Variants in GLIS1 observed in about 807,000 individuals in gnomAD.
The protein encoded by GLIS1 is zinc finger protein GLIS1.
Under a neutral mutation model 63.8 loss-of-function variants are expected in GLIS1, and 24 were observed. The ratio of observed to expected loss-of-function variants is 0.38; its 90% confidence interval spans 0.27 to 0.53. GLIS1 has a LOEUF of 0.53. GLIS1 is among the 20% of genes least tolerant of loss of function. The pLI, the probability that GLIS1 is intolerant of heterozygous loss-of-function variation, is 0.85. For missense variants in GLIS1, 1,036 were observed against 1,074.1 expected (o/e 0.96, Z 0.50); for synonymous variants, 450 against 482.5 (o/e 0.93, Z 0.88).
chr1:53,593,833 G>A (rs1645217505), intron 4 of GLIS1, among the ~76,000 whole-genome samples: 1 of 152,232 alleles, frequency 6.6e-6, no homozygotes, highest in South Asian at 2.1e-4. Context: ...CACAGCCCCG[G>A]GCCCTGTGGC....
At chr1:53,674,094 C>T (rs1350644554) in intron 2 of GLIS1, among the ~76,000 whole-genome samples, 1 of 150,238 alleles carries the variant, frequency 6.7e-6, no homozygotes. Flanking sequence ...ATCGCTTGAA[C>T]CTGGGAGGCA....
intron 2 of GLIS1, among the ~76,000 whole-genome samples, chr1:53,714,227 C>G (rs1646674932): frequency 6.6e-6 from 1 of 152,158 alleles, no homozygotes; most frequent in African/African-American, 2.4e-5. Flanking sequence ...TGAGTCTCAG[C>G]TCCTTCAGCT....
chr1:53,537,476 GCAAA>G (rs1198694957), intron 4 of GLIS1, among the ~76,000 whole-genome samples: 2 of 152,228 alleles, frequency 1.3e-5, no homozygotes, highest in African/African-American at 2.4e-5. Context: ...ATCAAGTCAC[GCAAA>G]CAGAGGTTTG....
intron 2 of GLIS1, among the ~76,000 whole-genome samples, chr1:53,716,383 T>C (rs958426001): frequency 1.2e-4 from 18 of 151,874 alleles, no homozygotes; most frequent in Non-Finnish European, 2.4e-4. Context: ...GGGTGACCAG[T>C]TGGGGAAAGG....
At chr1:53,585,923 GC>G (rs1169292856) in intron 4 of GLIS1, among the ~76,000 whole-genome samples, 2 of 152,226 alleles carry the variant, frequency 1.3e-5, no homozygotes, top group African/African-American at 4.8e-5. Flanking sequence ...TTTTACAGAT[GC>G]AAAAACAGAC....
intron 2 of GLIS1, among the ~76,000 whole-genome samples, chr1:53,626,105 G>A (rs1645591474): frequency 6.6e-6 from 1 of 152,192 alleles, no homozygotes; most frequent in Non-Finnish European, 1.5e-5. Flanking sequence ...GCCGCTCTTA[G>A]GAATGGCAAA....
rs544111885 is a variant in GLIS1 at position 53,678,748 on chromosome 1, G to A, written c.259+59058C>T. On this transcript the variant is annotated intron_variant, in intron 2 of 10. Coordinates refer to ENST00000628545, the MANE Select transcript of GLIS1 (RefSeq NM_001367484.1). ...AGCCAGAACACAGACAAGAACAGCC[G>A]GGAGCAGAGCAAGAGTGAGGCCTCA... is the stretch of plus-strand genomic sequence containing the variant. Among the ~76,000 whole-genome samples the A allele has an allele frequency of 8.0e-4, 122 of 152,312 alleles. 1 individual carries two copies. Among genetic ancestry groups the A allele is most frequent in the South Asian group, 1.5e-3 (7 of 4,826 alleles).
In GLIS1 at chr1:53,506,412, G is replaced by A. The variant is rs368263490; in HGVS notation, c.*207C>T. ...ATGTTACAGGGCCACAGATCCTGGC[G>A]GGCACCTCTGTGCGCCCAGCTCAAG... On this transcript the variant is annotated 3_prime_UTR_variant, in exon 11 of 11. Transcript: ENST00000628545. The A allele has an allele frequency of 6.3e-5, 36 of 569,852 alleles. No individual in the cohort carries two copies. The highest frequency in any genetic ancestry group is 3.5e-4 in the African/African-American group (19 of 53,642). 35.3% of individuals were successfully genotyped at this position (569,852 alleles called of 1,614,324 possible). A position where few individuals can be genotyped will look rare whatever the true frequency, so the allele number is the denominator to read the frequency against.
At position 53,506,538 on chromosome 1, in the gene GLIS1, G is replaced by A; in HGVS notation, c.*81C>T. Reference sequence around the variant, plus strand: ...GGCTGTGGCCTGGCACTCCTGCTAGGTGCACGGAGGGTGGGAGCGACAGCA... The same window carrying A: ...GGCTGTGGCCTGGCACTCCTGCTAGATGCACGGAGGGTGGGAGCGACAGCA... On this transcript the variant is annotated 3_prime_UTR_variant, in exon 11 of 11. Coordinates refer to ENST00000628545, the MANE Select transcript of GLIS1 (RefSeq NM_001367484.1). 2.8e-6 allele frequency: 4 copies of A among 1,442,616 alleles called. No homozygotes were observed. The highest frequency in any genetic ancestry group is 2.9e-6 in the Non-Finnish European group (3 of 1,038,838). The allele number at this position is 1,442,616 out of a possible 1,614,324, so 89.4% of individuals were successfully genotyped here. A position where few individuals can be genotyped will look rare whatever the true frequency, so the allele number is the denominator to read the frequency against.
chr1:53,590,192 A>G (rs1462048868), intron 4 of GLIS1, among the ~76,000 whole-genome samples: 1 of 152,152 alleles, frequency 6.6e-6, no homozygotes, highest in Non-Finnish European at 1.5e-5. Context: ...CAACAACCCT[A>G]AAAGGCAAGT....
At position 53,641,178 on chromosome 1, in the gene GLIS1, G is replaced by A. The variant is rs1336568145; in HGVS notation, c.260-40900C>T. ...CTTCTTGGAACCATCAGAGTGCCCA[G>A]TCCAGGGTTTGCATACAAAAGGTGC... On this transcript the variant is annotated intron_variant, in intron 2 of 10. Coordinates refer to ENST00000628545, the MANE Select transcript of GLIS1 (RefSeq NM_001367484.1). Among the ~76,000 whole-genome samples, 5 of 152,190 alleles carry A rather than the reference G, an allele frequency of 3.3e-5. No homozygotes were observed. In the East Asian group the frequency reaches 9.6e-4, roughly 29 times the overall value.
chr1:53,631,333 T>A (rs901312602), intron 2 of GLIS1, among the ~76,000 whole-genome samples: 21 of 152,248 alleles, frequency 1.4e-4, no homozygotes. Context: ...GATTTAACTT[T>A]ATTTTCCCCC....
intron 2 of GLIS1, among the ~76,000 whole-genome samples, chr1:53,689,549 A>C (rs1172734096): frequency 2.0e-5 from 3 of 152,116 alleles, no homozygotes. Context: ...CAAGATCTGC[A>C]CTGTGACCTT....
At chr1:53,566,966 C>T (rs2100454092) in intron 4 of GLIS1, among the ~76,000 whole-genome samples, 1 of 152,240 alleles carries the variant, frequency 6.6e-6, no homozygotes, top group East Asian at 1.9e-4. Context: ...TGGGGCATTG[C>T]TATAAAGATA....
intron 2 of GLIS1, among the ~76,000 whole-genome samples, chr1:53,653,253 G>T (rs1010790894): frequency 2.6e-5 from 4 of 152,232 alleles, no homozygotes; most frequent in Non-Finnish European, 1.5e-5. Context: ...GAAGCAGATG[G>T]ATGGACATAT....
At chr1:53,674,310 GA>G (rs1168989394) in intron 2 of GLIS1, among the ~76,000 whole-genome samples, 2 of 152,110 alleles carry the variant, frequency 1.3e-5, no homozygotes, top group African/African-American at 4.8e-5. Context: ...GCATCGCCAA[GA>G]AACCTGCTAG....
intron 4 of GLIS1, 114 bp downstream of exon 4, chr1:53,593,994 G>C: frequency 1.6e-6 from 2 of 1,250,764 alleles, no homozygotes; most frequent in Non-Finnish European, 2.2e-6. Context: ...TCAACCACAG[G>C]GATCTCAGCC....
chr1:53,612,575 T>G (rs1645435684), intron 2 of GLIS1, among the ~76,000 whole-genome samples: 1 of 152,098 alleles, frequency 6.6e-6, no homozygotes, highest in African/African-American at 2.4e-5. Context: ...CCCATCTCCC[T>G]GGGATCTTGA....
At chr1:53,697,869 G>A (rs926526076) in intron 2 of GLIS1, among the ~76,000 whole-genome samples, 4 of 152,200 alleles carry the variant, frequency 2.6e-5, no homozygotes, top group African/African-American at 9.6e-5. Context: ...GCCCATAAGA[G>A]GTGGAACTGG....
Sources: gnomAD v4.1 joint callset for allele counts (sites outside exome capture counted in the v4.1 genomes callset) on GRCh38, gnomAD v4.1.1 for gene constraint, MANE v1.5 for transcripts, NCBI Gene and HGNC (gene_info 2026-07-23, HGNC 2026-07-21) for gene names.